Variants in FOXN3 observed in about 807,000 individuals in gnomAD.
The protein encoded by FOXN3 is forkhead box N3.
A neutral mutation model predicts 38.4 loss-of-function variants in FOXN3; 7 were observed. The observed-to-expected ratio is 0.18, with a 90% CI of 0.10 to 0.34. The LOEUF (loss-of-function observed/expected upper bound fraction) is 0.34. Ranked by LOEUF, FOXN3 falls within the 10% of genes least tolerant of loss-of-function variation. The pLI is 1.00. For synonymous variants in FOXN3, 230 were observed against 242.2 expected (o/e 0.95, Z 0.47); for missense variants, 456 against 613.4 (o/e 0.74, Z 2.71).
Position 89,160,940 on chromosome 14 carries a change from A to G in FOXN3, c.*1474T>C, listed in dbSNP as rs568084596. 2 of 152,400 alleles carry G rather than the reference A, an allele frequency of 1.3e-5. No homozygotes were observed. The highest frequency in any genetic ancestry group is 4.8e-5 in the African/African-American group (2 of 41,590). 9.4% of individuals were successfully genotyped at this position (152,400 alleles called of 1,614,324 possible). On this transcript the variant is annotated 3_prime_UTR_variant, in exon 6 of 6. Transcript: ENST00000557258. ...AACAAAAAGGAAAAAAAGAAAGCAAAGAAAAGGAAAGAAAAAAGAAGAAAA... is the reference window on the plus strand; with the variant it reads ...AACAAAAAGGAAAAAAAGAAAGCAAGGAAAAGGAAAGAAAAAAGAAGAAAA...
rs184594369 is a variant in FOXN3 at position 89,522,462 on chromosome 14, T to C, written c.-15+96566A>G. Among the ~76,000 whole-genome samples, 59 of 152,250 alleles carry C rather than the reference T, an allele frequency of 3.9e-4. 1 individual carries two copies. The East Asian group carries it at 7.9e-3, about 20-fold the overall frequency. ...CCAGAAATAACAATACAAGTTAATA[T>C]AAAATAACTTTCTTTCTTATTATTT... is the stretch of plus-strand genomic sequence containing the variant. On this transcript the variant is annotated intron_variant, in intron 1 of 6. Coordinates refer to the FOXN3 transcript ENST00000345097.
intron 1 of FOXN3, among the ~76,000 whole-genome samples, chr14:89,531,790 G>A (rs868205364): frequency 6.6e-4 from 84 of 127,394 alleles, no homozygotes; most frequent in African/African-American, 2.4e-3. Flanking sequence ...AGACTTAAAC[G>A]CCAGTGGTTC....
At chr14:89,417,861 C>G, upstream of FOXN3, 1 of 428,764 alleles carries the variant, frequency 2.3e-6, no homozygotes, top group South Asian at 1.6e-5. Flanking sequence ...GTGGCCATTA[C>G]AAGACAAGAG....
chr14:89,214,646 C>T (rs537518617), intron 4 of FOXN3, among the ~76,000 whole-genome samples: 1 of 152,332 alleles, frequency 6.6e-6, no homozygotes, highest in Admixed American at 6.5e-5. Flanking sequence ...GCACTTCATG[C>T]TGACCCACTC....
intron 4 of FOXN3, among the ~76,000 whole-genome samples, chr14:89,218,203 GA>G (rs1037116489): frequency 9.2e-5 from 14 of 152,184 alleles, no homozygotes; most frequent in Non-Finnish European, 1.8e-4. Context: ...TGTGGGTGGG[GA>G]TTGGGATCCA....
intron 1 of FOXN3, among the ~76,000 whole-genome samples, chr14:89,422,507 A>G (rs1365451449): frequency 6.6e-6 from 1 of 152,230 alleles, no homozygotes; most frequent in Non-Finnish European, 1.5e-5. Context: ...GGGGGAGATT[A>G]TGTTCAAAGA....
At chr14:89,528,376 CTTTTTTTTTTTTTTT>C (rs55935162) in intron 1 of FOXN3, among the ~76,000 whole-genome samples, 59 of 53,580 alleles carry the variant, frequency 1.1e-3, no homozygotes, top group Admixed American at 2.0e-3. Context: ...ATGGATGAAT[CTTTTTTTTTTTTTTT>C]TTTTTTTTTT....
intron 1 of FOXN3, among the ~76,000 whole-genome samples, chr14:89,467,802 TTG>T (rs1460060827): frequency 2.3e-4 from 28 of 121,392 alleles, no homozygotes; most frequent in African/African-American, 7.5e-4. Context: ...TTTTCTTTCT[TTG>T]TTTTTTTTTT....
In FOXN3 at chr14:89,377,627, C is replaced by T. The variant is rs575362435; in HGVS notation, c.544-26819G>A. Among the ~76,000 whole-genome samples the T allele has an allele frequency of 4.6e-5, 7 of 152,234 alleles. 1 individual carries two copies. The highest frequency in any genetic ancestry group is 3.3e-4 in the Admixed American group (5 of 15,292). On this transcript the variant is annotated intron_variant, in intron 2 of 5. Coordinates refer to ENST00000557258, the MANE Select transcript of FOXN3 (RefSeq NM_005197.4). ...ACTTTTCTGCATGTTTGAATTTTCT[C>T]ACAGTAAAAAATAAGAAGGGAAAAG...
chr14:89,438,186 G>T (rs1892309511), intron 1 of FOXN3, among the ~76,000 whole-genome samples: 1 of 152,240 alleles, frequency 6.6e-6, no homozygotes, highest in Admixed American at 6.5e-5. Context: ...CAAGAGGGCT[G>T]ACCATGAAAC....
intron 1 of FOXN3, among the ~76,000 whole-genome samples, chr14:89,434,113 C>T (rs1892223629): frequency 1.4e-5 from 2 of 147,480 alleles, no homozygotes; most frequent in Admixed American, 6.8e-5. Context: ...TTAGTAGAGA[C>T]GAGGTTTCAC....
At position 89,615,116 on chromosome 14, in the gene FOXN3, A is replaced by ATTTTTTTTT. The variant is rs374606775; in HGVS notation, c.-15+3903_-15+3911dup. ...TTTAGCCAACCCATCCCCAATTTCG[A>ATTTTTTTTT]TTTTTTTTTTTTTTTTTTTTTTGCT... On this transcript the variant is annotated intron_variant, in intron 1 of 6. Coordinates refer to the FOXN3 transcript ENST00000345097. Among the ~76,000 whole-genome samples the ATTTTTTTTT allele has an allele frequency of 9.5e-4, 101 of 106,734 alleles. 2 individuals are homozygous for ATTTTTTTTT. Among genetic ancestry groups the ATTTTTTTTT allele is most frequent in the Middle Eastern group, 6.7e-3 (1 of 150 alleles). 70.0% of individuals were successfully genotyped at this position (106,734 alleles called of 152,430 possible). A position where few individuals can be genotyped will look rare whatever the true frequency, so the allele number is the denominator to read the frequency against.
chr14:89,203,881 C>T (rs77796407), intron 4 of FOXN3, among the ~76,000 whole-genome samples: 3,266 of 152,222 alleles, frequency 0.021, 46 homozygotes, highest in Non-Finnish European at 0.031. Context: ...CTTCTGCACG[C>T]CTTTAGTGCT....
rs375570570 is a variant in FOXN3 at position 89,162,460 on chromosome 14, C to T, written c.1361G>A (p.Arg454Gln). Residue 454 changes from arginine (R) to glutamine (Q), a missense_variant, in exon 6 of 6, where the codon CGG (arginine) becomes CAG (glutamine). Arg to Gln is a conservative substitution (Grantham distance 43). Transcript: ENST00000557258. The surrounding 1 kb of genome is among the most constrained non-coding windows in gnomAD (Gnocchi z 7.2). ...IRSCLNNITN[R>Q]TAKGQKEQKE... ...TTGCTCTTTCTGCCCCTTTGCCGTCCGATTGGTGATGTTATTCAAACAGGA... is the reference window on the plus strand; with the variant it reads ...TTGCTCTTTCTGCCCCTTTGCCGTCTGATTGGTGATGTTATTCAAACAGGA... 10 of 1,592,280 alleles carry T rather than the reference C, an allele frequency of 6.3e-6. No individual in the cohort carries two copies. The East Asian group carries it at 9.0e-5, about 14-fold the overall frequency.
chr14:89,360,774 TCCA>T (rs1299216998), intron 2 of FOXN3, among the ~76,000 whole-genome samples: 6 of 34,602 alleles, frequency 1.7e-4, no homozygotes, highest in South Asian at 2.7e-3. Context: ...CACTACCACC[TCCA>T]CCACCACCTC....
intron 1 of FOXN3, among the ~76,000 whole-genome samples, chr14:89,592,178 A>T (rs1895969012): frequency 6.6e-6 from 1 of 152,196 alleles, no homozygotes; most frequent in East Asian, 1.9e-4. Flanking sequence ...AGGCAATAAG[A>T]CAAAAAGATG....
upstream of FOXN3, among the ~76,000 whole-genome samples, chr14:89,421,831 G>A (rs60525173): frequency 1.3e-5 from 2 of 149,272 alleles, no homozygotes; most frequent in Admixed American, 6.7e-5. Flanking sequence ...GCTGGGCCCC[G>A]CTATTTTTCA....
intron 1 of FOXN3, among the ~76,000 whole-genome samples, chr14:89,468,026 G>A (rs546802681): frequency 1.3e-5 from 2 of 150,624 alleles, no homozygotes; most frequent in Admixed American, 6.6e-5. Context: ...ATTAAAATAT[G>A]AGCATATATA....
At chr14:89,257,541 A>T (rs545599584) in intron 4 of FOXN3, among the ~76,000 whole-genome samples, 2 of 152,346 alleles carry the variant, frequency 1.3e-5, no homozygotes, top group Admixed American at 6.5e-5. Context: ...GAAATCTCTC[A>T]AAATCCTCTT....
Sources: gnomAD v4.1 joint callset for allele counts (sites outside exome capture counted in the v4.1 genomes callset) on GRCh38, gnomAD v4.1.1 for gene constraint, Gnocchi (gnomAD v3.1) non-coding constraint, MANE v1.5 for transcripts, NCBI Gene and HGNC (gene_info 2026-07-23, HGNC 2026-07-21) for gene names.